AMZ1: variants seen among roughly 807,000 people sequenced by gnomAD.
The protein encoded by AMZ1 is archaemetzincin-1.
Under a neutral mutation model 29.9 loss-of-function variants are expected in AMZ1, and 39 were observed. That is an observed-to-expected ratio of 1.30 (90% CI 1.01 to 1.70). The LOEUF (loss-of-function observed/expected upper bound fraction) is 1.70. Among genes scored for constraint, AMZ1 ranks in the 40% most tolerant of loss-of-function variants. The probability of loss-of-function intolerance (pLI) is 0.00; values close to 1 mark genes in which losing one functional copy is unlikely to be tolerated. For synonymous variants in AMZ1, 458 were observed against 304.0 expected (o/e 1.51, Z -5.27); for missense variants, 1,041 against 680.6 (o/e 1.53, Z -5.89).
At chr7:2,742,756 T>C (rs1016548908) in intron 4 of AMZ1, among the ~76,000 whole-genome samples, 43 of 152,266 alleles carry the variant, frequency 2.8e-4, no homozygotes, top group Non-Finnish European at 1.2e-4. Context: ...CATCTTCCCT[T>C]AGATTTATTC....
rs553326573 is a variant in AMZ1 at position 2,715,957 on chromosome 7, C to G, written c.*3079C>G. The G allele has an allele frequency of 6.6e-6, 1 of 151,722 alleles. No homozygotes were observed. The highest frequency in any genetic ancestry group is 2.4e-5 in the African/African-American group (1 of 41,392). The allele number at this position is 151,722 out of a possible 1,614,324, so 9.4% of individuals were successfully genotyped here. ...CGTGCAAAGTCCACTGAATTGCTTT[C>G]TCGTCTCATCTGTCAGAAGCCCCTG... On this transcript the variant is annotated 3_prime_UTR_variant, in exon 7 of 7. Transcript: ENST00000683327.
chr7:2,701,881 C>G (rs149205199), intron 2 of AMZ1: 1 of 152,488 alleles, frequency 6.6e-6, no homozygotes, highest in African/African-American at 2.4e-5. Context: ...AGCAGCCAAT[C>G]CAACAGCTTG....
chr7:2,733,133 C>G (rs1362860622), intron 4 of AMZ1, among the ~76,000 whole-genome samples: 1 of 152,176 alleles, frequency 6.6e-6, no homozygotes, highest in Non-Finnish European at 1.5e-5. Flanking sequence ...ACTGCCATGC[C>G]TGGGGTTTCA....
chr7:2,706,936 G>A (rs908506969), intron 3 of AMZ1, among the ~76,000 whole-genome samples: 1 of 151,926 alleles, frequency 6.6e-6, no homozygotes, highest in Non-Finnish European at 1.5e-5. Context: ...AGCGTGAGCT[G>A]TGATTGTACT....
intron 4 of AMZ1, among the ~76,000 whole-genome samples, chr7:2,751,365 T>C (rs1319039958): frequency 2.2e-5 from 3 of 134,962 alleles, no homozygotes; most frequent in African/African-American, 8.4e-5. Flanking sequence ...CAATCCAGTA[T>C]AGGCAACAGA....
chr7:2,762,195 C>T (rs1015973873), upstream of AMZ1: 1 of 166,208 alleles, frequency 6.0e-6, no homozygotes, highest in Non-Finnish European at 1.3e-5. Context: ...TCAACCCAGG[C>T]TTCGTTTCTA....
At chr7:2,724,653 A>G (rs923555483), downstream of AMZ1, among the ~76,000 whole-genome samples, 7 of 152,072 alleles carry the variant, frequency 4.6e-5, no homozygotes, top group African/African-American at 1.7e-4. Context: ...ATGTTACAAC[A>G]CACATCCGAA....
At chr7:2,725,887 G>A (rs1027507468) in intron 4 of AMZ1, among the ~76,000 whole-genome samples, 3 of 152,158 alleles carry the variant, frequency 2.0e-5, no homozygotes, top group Non-Finnish European at 4.4e-5. Context: ...ACCCTCCCCT[G>A]GTGCCTCTGT....
chr7:2,739,118 G>A lies in AMZ1; in HGVS notation n.551-25594G>A, dbSNP rs369330572. Among the ~76,000 whole-genome samples the A allele has an allele frequency of 2.5e-4, 38 of 152,286 alleles. No individual in the cohort carries two copies. In the East Asian group the frequency reaches 4.2e-3, roughly 17 times the overall value. On this transcript the variant is annotated intron_variant and non_coding_transcript_variant, in intron 4 of 4. Coordinates refer to the AMZ1 transcript ENST00000489665. Reference sequence around the variant, plus strand: ...GTTGCTGTCACAGGGGTGCCACGCCGGGCCCCTAAAGCACCAGCCCCCTTG... The same window carrying A: ...GTTGCTGTCACAGGGGTGCCACGCCAGGCCCCTAAAGCACCAGCCCCCTTG...
At chr7:2,724,890 C>T (rs1335194356) in intron 4 of AMZ1, among the ~76,000 whole-genome samples, 1 of 152,136 alleles carries the variant, frequency 6.6e-6, no homozygotes, top group Admixed American at 6.5e-5. Flanking sequence ...AGCATGGGAG[C>T]GATTCTCGTC....
intron 4 of AMZ1, chr7:2,733,312 A>G (rs775761743): frequency 1.4e-6 from 1 of 713,382 alleles, no homozygotes; most frequent in Admixed American, 2.1e-5. Flanking sequence ...GTGCCATTAC[A>G]GTACTATTCG....
intron 1 of AMZ1, among the ~76,000 whole-genome samples, chr7:2,693,824 A>C (rs3996392): frequency 1.3e-5 from 2 of 152,038 alleles, no homozygotes; most frequent in South Asian, 2.1e-4. Context: ...CAAAGTGCTG[A>C]GAATGCAGGC....
At chr7:2,752,299 T>TA (rs1035730088) in intron 4 of AMZ1, among the ~76,000 whole-genome samples, 25 of 152,186 alleles carry the variant, frequency 1.6e-4, no homozygotes, top group African/African-American at 5.5e-4. Context: ...CTCAGTTTGA[T>TA]AAAGGGCATC....
In AMZ1 at chr7:2,739,684, T is replaced by C. The variant is rs961417820; in HGVS notation, n.551-25028T>C. Among the ~76,000 whole-genome samples the C allele has an allele frequency of 3.3e-5, 5 of 152,152 alleles. No individual in the cohort carries two copies. In the East Asian group the frequency reaches 9.6e-4, roughly 29 times the overall value. On this transcript the variant is annotated intron_variant and non_coding_transcript_variant, in intron 4 of 4. Coordinates refer to the AMZ1 transcript ENST00000489665. Reference sequence around the variant, plus strand: ...CTGTAGCATCCTATGGTAGTTCTTTTTTTATTTTAAAATGGAGTCTCGCCC... The same window carrying C: ...CTGTAGCATCCTATGGTAGTTCTTTCTTTATTTTAAAATGGAGTCTCGCCC...
upstream of AMZ1, among the ~76,000 whole-genome samples, chr7:2,763,725 A>C (rs2115406534): frequency 6.6e-6 from 1 of 152,358 alleles, no homozygotes; most frequent in South Asian, 2.1e-4. Context: ...AGCTTCTTCT[A>C]AATGTGCCTT....
At chr7:2,759,111 C>T (rs911786555) in intron 4 of AMZ1, among the ~76,000 whole-genome samples, 44 of 150,590 alleles carry the variant, frequency 2.9e-4, no homozygotes, top group African/African-American at 8.5e-4. Context: ...TTGCACTCAG[C>T]CCTGGGCCAC....
rs1418285107 is a variant in AMZ1, at chr7:2,702,774, C to T, written c.357C>T (p.Cys119=). ...CCCTGCTGCACCAGCTGTGCAGCTG[C>T]ACAGAGGCCTTCTTCCTGGGCCTGC... The part of the protein sequence containing the change: ...GSSLLHQLCS[C]TEAFFLGLRV... Residue 119 remains cysteine, a synonymous_variant, in exon 3 of 7, where the codon TGC becomes TGT. Coordinates refer to ENST00000683327, the MANE Select transcript of AMZ1 (RefSeq NM_001384743.1). 14 of 1,543,906 alleles carry T rather than the reference C, an allele frequency of 9.1e-6. No homozygotes were observed. The highest frequency in any genetic ancestry group is 2.4e-5 in the East Asian group (1 of 41,002).
chr7:2,707,951 G>A (rs1282723189), intron 3 of AMZ1, among the ~76,000 whole-genome samples: 3 of 143,158 alleles, frequency 2.1e-5, no homozygotes, highest in Middle Eastern at 3.3e-3. Context: ...AGACTCCTGA[G>A]TAGTTGGGAT....
downstream of AMZ1, among the ~76,000 whole-genome samples, chr7:2,721,944 C>T (rs375790682): frequency 3.8e-4 from 58 of 152,346 alleles, no homozygotes; most frequent in East Asian, 1.3e-3. Context: ...ACACTGTATT[C>T]GTAAACCAAG....
Sources: allele counts gnomAD v4.1 joint callset (sites outside exome capture counted in the v4.1 genomes callset), GRCh38; gene constraint gnomAD v4.1.1; transcripts MANE v1.5; gene names NCBI Gene and HGNC (gene_info 2026-07-23, HGNC 2026-07-21).